ZHX2: variants seen among roughly 807,000 people sequenced by gnomAD.
ZHX2 encodes the protein zinc fingers and homeoboxes protein 2.
In ZHX2, 6 loss-of-function variants were observed where a neutral mutation model predicts 21.9. The observed-to-expected ratio is 0.27, with a 90% CI of 0.15 to 0.54. The LOEUF (loss-of-function observed/expected upper bound fraction) is 0.54. Ranked by LOEUF, ZHX2 falls within the 20% of genes least tolerant of loss-of-function variation. The pLI is 0.95. For missense variants in ZHX2, 908 were observed against 1,090.7 expected (o/e 0.83, Z 2.36); for synonymous variants, 434 against 437.1 (o/e 0.99, Z 0.09).
intron 1 of ZHX2, among the ~76,000 whole-genome samples, chr8:122,815,260 G>A (rs1260676536): frequency 1.3e-5 from 2 of 152,228 alleles, no homozygotes; most frequent in African/African-American, 4.8e-5. Flanking sequence ...ACAGTGCCTA[G>A]AGTCTGTGAT....
chr8:122,859,947 T>C (rs930714814), intron 1 of ZHX2, among the ~76,000 whole-genome samples: 7 of 152,238 alleles, frequency 4.6e-5, no homozygotes, highest in Admixed American at 3.3e-4. Context: ...TATATGTATA[T>C]TTAAGTTCTA....
chr8:122,936,310 G>A (rs534002897), intron 2 of ZHX2, among the ~76,000 whole-genome samples: 2 of 152,326 alleles, frequency 1.3e-5, no homozygotes, highest in South Asian at 4.1e-4. Context: ...GAGGTATGGG[G>A]CAGCAAGCAA....
intron 1 of ZHX2, among the ~76,000 whole-genome samples, chr8:122,830,201 G>A (rs1818344655): frequency 6.6e-6 from 1 of 152,180 alleles, no homozygotes; most frequent in African/African-American, 2.4e-5. Context: ...ACGGGGCAAA[G>A]GATTTATAGT....
chr8:122,921,538 G>C (rs114288760), intron 2 of ZHX2, among the ~76,000 whole-genome samples: 10 of 152,144 alleles, frequency 6.6e-5, no homozygotes, highest in Admixed American at 5.2e-4. Flanking sequence ...AAGCGTGGGC[G>C]TGGTGATTCA....
At chr8:122,929,427 G>A (rs1043693502) in intron 2 of ZHX2, among the ~76,000 whole-genome samples, 1 of 152,210 alleles carries the variant, frequency 6.6e-6, no homozygotes, top group East Asian at 1.9e-4. Flanking sequence ...CAGATCACTT[G>A]AGGTCAGGAG....
Position 122,859,498 on chromosome 8 carries a change from T to C in ZHX2, c.-282-3979T>C, listed in dbSNP as rs945406318. 2.6e-5 allele frequency among the ~76,000 whole-genome samples: 4 copies of C among 151,930 alleles called. No homozygotes were observed. In the East Asian group the frequency reaches 7.7e-4, roughly 29 times the overall value. On this transcript the variant is annotated intron_variant, in intron 1 of 3. Coordinates refer to ENST00000314393, the MANE Select transcript of ZHX2 (RefSeq NM_014943.5). ...TTAGGGTAAGAGTGAGGCAGATCAT[T>C]TGAGAGAGGGACTAGCGTGGCTATG...
At chr8:122,921,554 G>A (rs1169853621) in intron 2 of ZHX2, among the ~76,000 whole-genome samples, 1 of 152,122 alleles carries the variant, frequency 6.6e-6, no homozygotes, top group African/African-American at 2.4e-5. Flanking sequence ...ATTCACGCCT[G>A]TAATCCCAAC....
intron 1 of ZHX2, among the ~76,000 whole-genome samples, chr8:122,801,799 C>T (rs1307447735): frequency 6.6e-6 from 1 of 152,130 alleles, no homozygotes; most frequent in Non-Finnish European, 1.5e-5. Flanking sequence ...TAATATCCTC[C>T]CTTGCCCTAA....
chr8:122,790,108 A>G (rs541892807), intron 1 of ZHX2, among the ~76,000 whole-genome samples: 2 of 152,168 alleles, frequency 1.3e-5, no homozygotes, highest in Non-Finnish European at 2.9e-5. Flanking sequence ...CTGGTACAGG[A>G]TATATAATGT....
intron 1 of ZHX2, among the ~76,000 whole-genome samples, chr8:122,835,841 T>C (rs1209778218): frequency 6.6e-6 from 1 of 152,208 alleles, no homozygotes; most frequent in Non-Finnish European, 1.5e-5. Context: ...TCAGTTAAAA[T>C]TGTAAAGTTG....
chr8:122,830,751 G>C (rs1335645697), intron 1 of ZHX2, among the ~76,000 whole-genome samples: 1 of 152,148 alleles, frequency 6.6e-6, no homozygotes, highest in Non-Finnish European at 1.5e-5. Context: ...GGTAATTACT[G>C]CGTGGCTCAG....
intron 1 of ZHX2, among the ~76,000 whole-genome samples, chr8:122,825,833 GCAC>G (rs1818252982): frequency 6.6e-6 from 1 of 152,200 alleles, no homozygotes; most frequent in Admixed American, 6.5e-5. Flanking sequence ...AAACCACGCT[GCAC>G]CAACCCCTTT....
chr8:122,922,533 T>A (rs1820765075), intron 2 of ZHX2, among the ~76,000 whole-genome samples: 2 of 152,162 alleles, frequency 1.3e-5, no homozygotes, highest in Non-Finnish European at 2.9e-5. Flanking sequence ...GAACCTTCAA[T>A]GTTTGCCAAA....
At chr8:122,965,605 G>T (rs568853127) in intron 3 of ZHX2, among the ~76,000 whole-genome samples, 30 of 152,238 alleles carry the variant, frequency 2.0e-4, no homozygotes, top group African/African-American at 6.3e-4. Context: ...ATGTGCTGAT[G>T]AAAATAATGT....
intron 2 of ZHX2, among the ~76,000 whole-genome samples, chr8:122,945,436 C>CAAAAAAAAAAAAAAAAAAAAAAAAA (rs60890533): frequency 2.7e-5 from 2 of 73,678 alleles, no homozygotes; most frequent in African/African-American, 6.3e-5. Context: ...CCTGTCTCTG[C>CAAAAAAAAAAAAAAAAAAAAAAAAA]AAAAAAAAAA....
intron 2 of ZHX2, among the ~76,000 whole-genome samples, chr8:122,891,137 C>T (rs1819965539): frequency 1.3e-5 from 2 of 151,986 alleles, no homozygotes; most frequent in Non-Finnish European, 2.9e-5. Flanking sequence ...TCTTCTTTAA[C>T]AGTTTTGTAG....
intron 1 of ZHX2, among the ~76,000 whole-genome samples, chr8:122,812,331 A>G (rs1371320767): frequency 1.3e-5 from 2 of 152,218 alleles, no homozygotes; most frequent in African/African-American, 4.8e-5. Flanking sequence ...TATGTGGTTC[A>G]CACCCCGTAG....
chr8:122,809,870 C>A (rs1161974869), intron 1 of ZHX2, among the ~76,000 whole-genome samples: 3 of 152,050 alleles, frequency 2.0e-5, no homozygotes, highest in Non-Finnish European at 4.4e-5. Flanking sequence ...TTGAAGCTTA[C>A]AAGAAATCCT....
intron 2 of ZHX2, among the ~76,000 whole-genome samples, chr8:122,917,963 T>C (rs776981379): frequency 6.6e-6 from 1 of 152,196 alleles, no homozygotes; most frequent in Admixed American, 6.5e-5. Flanking sequence ...CTGAAGGCTT[T>C]CTGGATCCTC....
Sources: allele counts gnomAD v4.1 joint callset (sites outside exome capture counted in the v4.1 genomes callset), GRCh38; gene constraint gnomAD v4.1.1; transcripts MANE v1.5; gene names NCBI Gene and HGNC (gene_info 2026-07-23, HGNC 2026-07-21).